Variants in LARGE1 observed in about 807,000 individuals in gnomAD.
The protein encoded by LARGE1 is LARGE xylosyl- and glucuronyltransferase 1, also known as xylosyl- and glucuronyltransferase LARGE1.
In LARGE1, 43 loss-of-function variants were observed where a neutral mutation model predicts 87.6. The observed-to-expected ratio is 0.49, with a 90% confidence interval of 0.38 to 0.63. LARGE1 has a LOEUF of 0.63. LARGE1 is among the 30% of genes least tolerant of loss of function. The probability of loss-of-function intolerance (pLI) is 0.00; values close to 1 mark genes in which losing one functional copy is unlikely to be tolerated. For synonymous variants in LARGE1, 434 were observed against 394.6 expected (o/e 1.10, Z -1.18); for missense variants, 802 against 1,000.2 (o/e 0.80, Z 2.67).
At chr22:33,904,634 T>G (rs1285224910) in intron 1 of LARGE1, among the ~76,000 whole-genome samples, 1 of 152,162 alleles carries the variant, frequency 6.6e-6, no homozygotes, top group Non-Finnish European at 1.5e-5. Flanking sequence ...GTGACGCTGT[T>G]CGAGGACTTA....
At chr22:33,432,817 T>C (rs894701137) in intron 6 of LARGE1, among the ~76,000 whole-genome samples, 4 of 152,216 alleles carry the variant, frequency 2.6e-5, no homozygotes, top group African/African-American at 7.2e-5. Context: ...GTCCACCTTC[T>C]TACAGGGTTT....
Position 33,199,862 on chromosome 22 carries a change from T to C in LARGE1, c.1731-33030A>G, listed in dbSNP as rs555594357. On this transcript the variant is annotated intron_variant, in intron 11 of 11. Transcript: ENST00000608642. ...CAGACACTTTTTTTTTTTTTTCTTT[T>C]TTTTTGAGACGGAGTCTTACTCTGT... 3.8e-4 allele frequency among the ~76,000 whole-genome samples: 58 copies of C among 152,078 alleles called. 3 individuals carry two copies. In the South Asian group the frequency reaches 0.011, roughly 30 times the overall value.
chr22:33,909,517 CTTTTGT>C (rs2065560470), intron 1 of LARGE1, among the ~76,000 whole-genome samples: 1 of 140,126 alleles, frequency 7.1e-6, no homozygotes, highest in Non-Finnish European at 1.5e-5. Context: ...CCAACTTCTT[CTTTTGT>C]TTTTTTTTTT....
At chr22:33,627,360 T>C (rs2079954420) in intron 3 of LARGE1, among the ~76,000 whole-genome samples, 1 of 152,230 alleles carries the variant, frequency 6.6e-6, no homozygotes, top group Non-Finnish European at 1.5e-5. Context: ...TTCCGGATTT[T>C]GTCCTTTCTA....
At chr22:33,322,145 G>C (rs1936787671) in intron 10 of LARGE1, among the ~76,000 whole-genome samples, 1 of 152,056 alleles carries the variant, frequency 6.6e-6, no homozygotes, top group Non-Finnish European at 1.5e-5. Flanking sequence ...TGCACACACA[G>C]GTACATACCC....
chr22:33,843,994 G>A lies in LARGE1; in HGVS notation c.-83+76001C>T, dbSNP rs575241986. 4.6e-5 allele frequency among the ~76,000 whole-genome samples: 7 copies of A among 151,520 alleles called. No homozygotes were observed. The East Asian group carries it at 5.9e-4, about 13-fold the overall frequency. ...GTTGGGAGGCTGAGGCAGGAGAATC[G>A]CTTGAACCCGGGAGGCGGAGGTTGC... On this transcript the variant is annotated intron_variant, in intron 1 of 14. Coordinates refer to ENST00000397394, the MANE Select transcript of LARGE1 (RefSeq NM_133642.5).
chr22:33,370,785 T>A (rs570495090), intron 9 of LARGE1, among the ~76,000 whole-genome samples: 1 of 150,236 alleles, frequency 6.7e-6, no homozygotes, highest in Admixed American at 6.7e-5. Context: ...ATTATAAATA[T>A]TAATATTATC....
At chr22:33,321,874 A>G (rs1215209895) in intron 10 of LARGE1, among the ~76,000 whole-genome samples, 2 of 152,200 alleles carry the variant, frequency 1.3e-5, no homozygotes, top group Non-Finnish European at 2.9e-5. Context: ...GTTGGAGTAC[A>G]GTGGCACGAT....
chr22:33,861,788 A>G (rs1265949683), intron 1 of LARGE1, among the ~76,000 whole-genome samples: 4 of 152,044 alleles, frequency 2.6e-5, no homozygotes, highest in Non-Finnish European at 5.9e-5. Context: ...ACATGGCCCT[A>G]GAAAAGGGCA....
chr22:33,659,147 C>T (rs993519275), intron 2 of LARGE1, among the ~76,000 whole-genome samples: 17 of 152,302 alleles, frequency 1.1e-4, no homozygotes, highest in South Asian at 6.2e-4. Context: ...CCAGCTTCTC[C>T]GGTTTCTGGT....
At chr22:33,109,811 A>G in the LARGE1 span, among the ~76,000 whole-genome samples, 3 of 152,124 alleles carry the variant, frequency 2.0e-5, no homozygotes, top group South Asian at 6.2e-4. Context: ...GGAGCCTGGC[A>G]TCTCCTCCTC....
intron 3 of LARGE1, among the ~76,000 whole-genome samples, chr22:33,628,317 G>C (rs1244487464): frequency 2.8e-5 from 3 of 107,370 alleles, no homozygotes; most frequent in African/African-American, 1.1e-4. Flanking sequence ...GACTGTTTTT[G>C]CTTTTTTTTT....
At chr22:33,262,335 C>T (rs948421739) in intron 11 of LARGE1, among the ~76,000 whole-genome samples, 2 of 152,204 alleles carry the variant, frequency 1.3e-5, no homozygotes, top group Non-Finnish European at 2.9e-5. Flanking sequence ...TGGGAGTACA[C>T]GGAACAGTTA....
At chr22:33,867,946 G>A (rs920987761) in intron 1 of LARGE1, among the ~76,000 whole-genome samples, 2 of 152,040 alleles carry the variant, frequency 1.3e-5, no homozygotes, top group African/African-American at 2.4e-5. Context: ...GTCTACCTGC[G>A]GCTTGCCCAA....
the LARGE1 span, among the ~76,000 whole-genome samples, chr22:33,078,356 C>T: frequency 6.6e-6 from 1 of 152,192 alleles, no homozygotes; most frequent in African/African-American, 2.4e-5. Flanking sequence ...TACCAGGAAG[C>T]TCAGGCAGTA....
At chr22:33,849,410 C>T (rs1280342032) in intron 1 of LARGE1, among the ~76,000 whole-genome samples, 1 of 152,012 alleles carries the variant, frequency 6.6e-6, no homozygotes, top group East Asian at 1.9e-4. Flanking sequence ...GATACGAATG[C>T]TATAGGGTGA....
At chr22:33,115,128 G>C in the LARGE1 span, among the ~76,000 whole-genome samples, 1 of 152,072 alleles carries the variant, frequency 6.6e-6, no homozygotes, top group Admixed American at 6.5e-5. Context: ...AAACTAAATT[G>C]TGCCTCTCAC....
At chr22:33,822,077 C>A (rs894660798) in intron 1 of LARGE1, among the ~76,000 whole-genome samples, 1 of 151,472 alleles carries the variant, frequency 6.6e-6, no homozygotes, top group African/African-American at 2.4e-5. Flanking sequence ...CTTAATGATC[C>A]CGGTTAATTA....
chr22:33,499,837 A>G (rs8137506), intron 6 of LARGE1, among the ~76,000 whole-genome samples: 45,256 of 152,066 alleles, frequency 0.3, 7,142 homozygotes, highest in African/African-American at 0.38. Context: ...GCAATGGTGC[A>G]ATCTCGGCTC....
Sources: gnomAD v4.1 joint callset for allele counts (sites outside exome capture counted in the v4.1 genomes callset) on GRCh38, gnomAD v4.1.1 for gene constraint, MANE v1.5 for transcripts, NCBI Gene and HGNC (gene_info 2026-07-23, HGNC 2026-07-21) for gene names.